The following ERC2 variants were observed in gnomAD, a reference collection of about 807,000 sequenced individuals.
The protein encoded by ERC2 is ERC protein 2.
In ERC2, 42 loss-of-function variants were observed where a neutral mutation model predicts 114.8. The ratio of observed to expected loss-of-function variants is 0.37; its 90% CI spans 0.29 to 0.47. ERC2 has a LOEUF of 0.47. Among genes scored for constraint, ERC2 ranks in the 20% least tolerant of loss-of-function variants. ERC2 has a pLI of 0.99. For synonymous variants in ERC2, 454 were observed against 425.5 expected, an observed-to-expected ratio of 1.07 and a Z score of -0.82; for missense variants, 939 against 1,150.7, an observed-to-expected ratio of 0.82 and a Z score of 2.66.
At chr3:56,276,899 C>T (rs2054038907) in intron 3 of ERC2, among the ~76,000 whole-genome samples, 1 of 152,128 alleles carries the variant, frequency 6.6e-6, no homozygotes, top group Non-Finnish European at 1.5e-5. Flanking sequence ...TTTTGGGGGG[C>T]CACATTCAAA....
intron 17 of ERC2, among the ~76,000 whole-genome samples, chr3:55,646,432 C>G (rs1448624595): frequency 1.3e-5 from 2 of 152,124 alleles, no homozygotes; most frequent in Non-Finnish European, 2.9e-5. Context: ...GTATTATACT[C>G]TTGTGTTACT....
intron 14 of ERC2, among the ~76,000 whole-genome samples, chr3:55,850,633 G>C (rs1283616022): frequency 6.6e-6 from 1 of 152,082 alleles, no homozygotes; most frequent in East Asian, 1.9e-4. Flanking sequence ...GAGTCACACT[G>C]TTAATCTAAA....
At chr3:56,315,785 G>A (rs2056835782) in intron 2 of ERC2, among the ~76,000 whole-genome samples, 1 of 151,742 alleles carries the variant, frequency 6.6e-6, no homozygotes, top group Non-Finnish European at 1.5e-5. Flanking sequence ...TCAAATTTGA[G>A]TCTGGAACAG....
intron 17 of ERC2, among the ~76,000 whole-genome samples, chr3:55,621,908 T>C (rs1483268357): frequency 1.3e-5 from 2 of 152,134 alleles, no homozygotes; most frequent in South Asian, 2.1e-4. Flanking sequence ...GCAGTGAAAA[T>C]TGAGGCTGGA....
chr3:56,297,758 G>C (rs971494380), intron 2 of ERC2, among the ~76,000 whole-genome samples: 2 of 152,294 alleles, frequency 1.3e-5, no homozygotes, highest in East Asian at 3.9e-4. Flanking sequence ...GTATTGTAAG[G>C]CATGGGGTAA....
intron 17 of ERC2, among the ~76,000 whole-genome samples, chr3:55,650,481 C>T (rs1328087689): frequency 6.6e-6 from 1 of 152,208 alleles, no homozygotes; most frequent in African/African-American, 2.4e-5. Flanking sequence ...CAACATCCTC[C>T]CCTCTTGGTC....
At chr3:55,895,643 A>G (rs1390779724) in intron 13 of ERC2, among the ~76,000 whole-genome samples, 1 of 152,132 alleles carries the variant, frequency 6.6e-6, no homozygotes, top group Non-Finnish European at 1.5e-5. Context: ...CTGTGTCTCC[A>G]TCTTCTTTGC....
intron 6 of ERC2, among the ~76,000 whole-genome samples, chr3:56,120,968 G>T (rs1057005967): frequency 4.6e-5 from 7 of 152,156 alleles, no homozygotes; most frequent in African/African-American, 1.7e-4. Context: ...GGAGGTAAAA[G>T]TACTGATAAG....
intron 14 of ERC2, among the ~76,000 whole-genome samples, chr3:55,741,191 A>G (rs1446071268): frequency 6.6e-6 from 1 of 152,176 alleles, no homozygotes; most frequent in African/African-American, 2.4e-5. Flanking sequence ...GTCAGATTCT[A>G]CACTTTCACA....
intron 3 of ERC2, among the ~76,000 whole-genome samples, chr3:56,270,475 G>T (rs1240111041): frequency 6.6e-6 from 1 of 152,158 alleles, no homozygotes; most frequent in Non-Finnish European, 1.5e-5. Flanking sequence ...GCCATGTGAG[G>T]GATGAATACC....
At chr3:55,749,364 T>C (rs2066517729) in intron 14 of ERC2, among the ~76,000 whole-genome samples, 2 of 152,246 alleles carry the variant, frequency 1.3e-5, no homozygotes, top group African/African-American at 2.4e-5. Flanking sequence ...AGATTTGAAC[T>C]TCAAGGCATG....
At chr3:55,790,492 A>G (rs1312928287) in intron 14 of ERC2, among the ~76,000 whole-genome samples, 2 of 152,274 alleles carry the variant, frequency 1.3e-5, no homozygotes, top group African/African-American at 2.4e-5. Flanking sequence ...GACACCAGCA[A>G]TTCTACTTGT....
intron 7 of ERC2, among the ~76,000 whole-genome samples, chr3:56,025,806 T>G (rs2074003650): frequency 1.3e-5 from 2 of 152,130 alleles, no homozygotes; most frequent in Non-Finnish European, 2.9e-5. Context: ...GCACATAATA[T>G]GGGAACCATT....
chr3:56,022,308 T>C (rs2073772157), intron 7 of ERC2, among the ~76,000 whole-genome samples: 1 of 152,196 alleles, frequency 6.6e-6, no homozygotes, highest in Admixed American at 6.5e-5. Flanking sequence ...ACTGATGATT[T>C]TACTTCTCCT....
At chr3:56,452,187 A>G (rs1455113332) in intron 1 of ERC2, among the ~76,000 whole-genome samples, 2 of 152,236 alleles carry the variant, frequency 1.3e-5, no homozygotes, top group African/African-American at 4.8e-5. Flanking sequence ...GCTGTACCCT[A>G]AGGAATCACT....
intron 17 of ERC2, among the ~76,000 whole-genome samples, chr3:55,541,600 T>A (rs1003337136): frequency 6.6e-6 from 1 of 152,240 alleles, no homozygotes; most frequent in African/African-American, 2.4e-5. Context: ...GGAAAGTTCA[T>A]GGGAAGGTTT....
chr3:55,870,157 C>T (rs2062515290), intron 14 of ERC2, among the ~76,000 whole-genome samples: 3 of 152,044 alleles, frequency 2.0e-5, no homozygotes, highest in Admixed American at 2.0e-4. Flanking sequence ...TCACTGCAAC[C>T]TCTGCCTCCT....
intron 2 of ERC2, among the ~76,000 whole-genome samples, chr3:56,299,579 G>T (rs933440288): frequency 6.6e-6 from 1 of 151,860 alleles, no homozygotes; most frequent in Non-Finnish European, 1.5e-5. Context: ...ATAGGTGTGC[G>T]CCACCACACT....
intron 7 of ERC2, among the ~76,000 whole-genome samples, chr3:56,051,614 A>G (rs2075769166): frequency 6.6e-6 from 1 of 152,122 alleles, no homozygotes; most frequent in South Asian, 2.1e-4. Context: ...GCAAAACAGG[A>G]CACTGACTTC....
Sources: allele counts gnomAD v4.1 joint callset (sites outside exome capture counted in the v4.1 genomes callset), GRCh38; gene constraint gnomAD v4.1.1; transcripts MANE v1.5; gene names NCBI Gene and HGNC (gene_info 2026-07-23, HGNC 2026-07-21).